The following SLC41A3 variants were observed in gnomAD, a reference collection of about 807,000 sequenced individuals.
SLC41A3 encodes SLC41A1-like 2.
In SLC41A3, 44 loss-of-function variants were observed where a neutral mutation model predicts 45.4. The ratio of observed to expected loss-of-function variants is 0.97; its 90% CI spans 0.76 to 1.25. SLC41A3 has a LOEUF of 1.25. SLC41A3 is among the 50% of genes most tolerant of loss of function. The pLI is 0.00. For synonymous variants in SLC41A3, 256 were observed against 252.4 expected (o/e 1.01, Z -0.13); for missense variants, 550 against 600.6 (o/e 0.92, Z 0.88).
In SLC41A3 at chr3:126,006,968, TG is replaced by T; in HGVS notation, c.*47del. 6.2e-7 allele frequency: 1 copy of T among 1,612,600 alleles called. No homozygotes were observed. Among genetic ancestry groups the T allele is most frequent in the Non-Finnish European group, 8.5e-7 (1 of 1,179,040 alleles). The stretch of plus-strand genomic sequence containing the variant: ...GGAGAAACTGAATTCTGTATCCCAC[TG>T]ATGTGAGAGGAAATTCTAATGAGCA... On this transcript the variant is annotated 3_prime_UTR_variant, in exon 11 of 11. Transcript: ENST00000360370.
chr3:126,095,433 C>T (rs546719449), intron 1 of SLC41A3: 2 of 483,246 alleles, frequency 4.1e-6, no homozygotes, highest in African/African-American at 4.0e-5. Context: ...GACAGCCAGT[C>T]ACAATGAGTA....
intron 1 of SLC41A3, among the ~76,000 whole-genome samples, chr3:126,075,213 T>C (rs1199832312): frequency 6.6e-6 from 1 of 152,228 alleles, no homozygotes; most frequent in Admixed American, 6.5e-5. Context: ...CCCAAAGTGC[T>C]AGGATTACAG....
chr3:126,029,516 A>C (rs1188685792), intron 4 of SLC41A3, among the ~76,000 whole-genome samples: 1 of 152,192 alleles, frequency 6.6e-6, no homozygotes, highest in African/African-American at 2.4e-5. Flanking sequence ...GTGGAACCAT[A>C]AGCCAATTAA....
chr3:126,056,453 C>G, intron 2 of SLC41A3: 1 of 1,614,244 alleles, frequency 6.2e-7, no homozygotes, highest in Non-Finnish European at 8.5e-7. Context: ...AAGAAAGATT[C>G]AGGCAAGACC....
intron 2 of SLC41A3, chr3:126,056,251 C>T: frequency 4.2e-6 from 6 of 1,417,032 alleles, no homozygotes; most frequent in Non-Finnish European, 5.8e-6. Context: ...GAGGGCTGCC[C>T]TCCCACTGTA....
At chr3:126,038,181 C>T (rs1035912052) in intron 3 of SLC41A3, among the ~76,000 whole-genome samples, 1 of 152,200 alleles carries the variant, frequency 6.6e-6, no homozygotes, top group Admixed American at 6.5e-5. Context: ...TGGGGCAGAG[C>T]CCCCACGGAG....
chr3:126,006,696 C>A lies in SLC41A3; in HGVS notation c.*320G>T. On this transcript the variant is annotated 3_prime_UTR_variant, in exon 11 of 11. Coordinates refer to ENST00000360370, the MANE Select transcript of SLC41A3 (RefSeq NM_017836.4). The stretch of plus-strand genomic sequence containing the variant: ...GAGCAAACACACCCTGCAAAGCATA[C>A]TGGACATGCCTCTTCTTTACCTTCT... The A allele has an allele frequency of 6.8e-7, 1 of 1,460,588 alleles. No individual in the cohort carries two copies. Among genetic ancestry groups the A allele is most frequent in the Non-Finnish European group, 9.0e-7 (1 of 1,108,582 alleles). The allele number at this position is 1,460,588 out of a possible 1,614,324, so 90.5% of individuals were successfully genotyped here.
At chr3:126,046,957 A>G (rs7612322) in intron 3 of SLC41A3, among the ~76,000 whole-genome samples, 100,869 of 133,668 alleles carry the variant, frequency 0.75, 36,388 homozygotes, top group East Asian at 0.84. Context: ...GCGAAACTCC[A>G]TCTCAAAAAA....
intron 2 of SLC41A3, 151 bp downstream of exon 2, chr3:126,067,796 A>G (rs1387719773): frequency 1.2e-5 from 11 of 946,208 alleles, no homozygotes; most frequent in African/African-American, 3.3e-5. Context: ...ACCAGAGACT[A>G]AAAGAATCTT....
intron 1 of SLC41A3, among the ~76,000 whole-genome samples, chr3:126,072,241 A>G (rs1198335036): frequency 6.6e-6 from 1 of 152,238 alleles, no homozygotes; most frequent in Non-Finnish European, 1.5e-5. Flanking sequence ...TTCTTTAAAA[A>G]GAAATGAACA....
intron 1 of SLC41A3, among the ~76,000 whole-genome samples, chr3:126,095,921 C>A (rs1223148845): frequency 6.6e-6 from 1 of 152,150 alleles, no homozygotes; most frequent in Non-Finnish European, 1.5e-5. Flanking sequence ...TTATCTGGAA[C>A]CATGGCAGTA....
chr3:126,090,806 G>A (rs1356239527), intron 1 of SLC41A3, among the ~76,000 whole-genome samples: 1 of 152,166 alleles, frequency 6.6e-6, no homozygotes, highest in Admixed American at 6.5e-5. Flanking sequence ...GAAGAGTGGG[G>A]CATGTGAGAT....
At chr3:126,083,166 C>T (rs1379170442) in intron 1 of SLC41A3, among the ~76,000 whole-genome samples, 17 of 152,174 alleles carry the variant, frequency 1.1e-4, no homozygotes, top group Admixed American at 1.1e-3. Flanking sequence ...GGTTTCAGAT[C>T]AATGGTCAGA....
chr3:126,075,354 C>T (rs1333730644), intron 1 of SLC41A3, among the ~76,000 whole-genome samples: 1 of 151,912 alleles, frequency 6.6e-6, no homozygotes, highest in Non-Finnish European at 1.5e-5. Context: ...ACAAATTTAA[C>T]AAAAGAAGTC....
chr3:126,062,873 C>T (rs1440784095), intron 2 of SLC41A3, among the ~76,000 whole-genome samples: 1 of 152,152 alleles, frequency 6.6e-6, no homozygotes, highest in African/African-American at 2.4e-5. Context: ...TAGGATCTGC[C>T]CAAGTTAATA....
chr3:126,063,895 G>A (rs4679100), intron 2 of SLC41A3, among the ~76,000 whole-genome samples: 148,711 of 149,818 alleles, frequency 0.99, 73,817 homozygotes, highest in Middle Eastern at 1. Flanking sequence ...CAGGTGGCAA[G>A]GTGACCTCCA....
At chr3:126,056,584 C>T (rs201863404) in intron 2 of SLC41A3, 34 of 1,603,420 alleles carry the variant, frequency 2.1e-5, no homozygotes, top group Middle Eastern at 3.7e-4. Flanking sequence ...CCCAGGAGCA[C>T]GAAGTCAGAG....
chr3:126,035,044 C>A (rs546484694), intron 3 of SLC41A3, among the ~76,000 whole-genome samples: 1 of 152,236 alleles, frequency 6.6e-6, no homozygotes, highest in African/African-American at 2.4e-5. Flanking sequence ...AGAGGTAAAG[C>A]GGTGAGGGCA....
At chr3:126,014,946 G>A (rs754179116) in intron 8 of SLC41A3, among the ~76,000 whole-genome samples, 1 of 152,180 alleles carries the variant, frequency 6.6e-6, no homozygotes, top group Non-Finnish European at 1.5e-5. Context: ...CAGGGAAGGG[G>A]GAGATCAAGG....
Sources: allele counts gnomAD v4.1 joint callset (sites outside exome capture counted in the v4.1 genomes callset), GRCh38; gene constraint gnomAD v4.1.1; transcripts MANE v1.5; gene names NCBI Gene and HGNC (gene_info 2026-07-23, HGNC 2026-07-21).